Variants in PITPNM3 observed in about 807,000 individuals in gnomAD.
The protein encoded by PITPNM3 is membrane-associated phosphatidylinositol transfer protein 3.
Under a neutral mutation model 102.0 loss-of-function variants are expected in PITPNM3, and 26 were observed. That is an observed-to-expected ratio of 0.25 (90% CI 0.19 to 0.35). PITPNM3 has a LOEUF of 0.35. Ranked by LOEUF, PITPNM3 falls within the 10% of genes least tolerant of loss-of-function variation. The pLI is 1.00. For missense variants in PITPNM3, 1,083 were observed against 1,346.1 expected (o/e 0.80, Z 3.06); for synonymous variants, 578 against 558.6 (o/e 1.03, Z -0.49).
chr17:6,535,303 C>A (rs1407189512), intron 2 of PITPNM3, among the ~76,000 whole-genome samples: 7 of 151,328 alleles, frequency 4.6e-5, no homozygotes, highest in Admixed American at 4.6e-4. Flanking sequence ...AGACACAGAG[C>A]ACTGGCTGGG....
At chr17:6,551,927 C>G (rs1910330443) in intron 1 of PITPNM3, among the ~76,000 whole-genome samples, 1 of 152,104 alleles carries the variant, frequency 6.6e-6, no homozygotes, top group South Asian at 2.1e-4. Context: ...CTCAGCAGAG[C>G]AAGGTCCAAA....
At chr17:6,526,208 T>G (rs1908825195) in intron 2 of PITPNM3, among the ~76,000 whole-genome samples, 1 of 152,188 alleles carries the variant, frequency 6.6e-6, no homozygotes, top group African/African-American at 2.4e-5. Flanking sequence ...GTGAGTCTTC[T>G]GGGAGAAATC....
chr17:6,484,233 T>G lies in PITPNM3; in HGVS notation c.334A>C (p.Ile112Leu), dbSNP rs200777906. 1 of 1,611,302 alleles carries G rather than the reference T, an allele frequency of 6.2e-7. No individual in the cohort carries two copies. Among genetic ancestry groups the G allele is most frequent in the East Asian group, 2.2e-5 (1 of 44,862 alleles). ...CAGCCTACCTCGCTGTCTTCGTGGA[T>G]CTCGATGCTTCCCTGGGCTGGGAAC... ...QRFPAQGSIE[I>L]HEDSEEGCPQ... The change falls in exon 5 of 20, where the codon ATC becomes CTC. Residue 112 changes from isoleucine to leucine, a missense_variant. This residue lies in a region of PITPNM3 where 290 missense variants were observed against 337.8 expected (regional missense o/e 0.86). Coordinates refer to ENST00000262483, the MANE Select transcript of PITPNM3 (RefSeq NM_031220.4).
At chr17:6,483,366 A>C (rs1905860196) in intron 6 of PITPNM3, 151 bp downstream of exon 6, 1 of 803,720 alleles carries the variant, frequency 1.2e-6, no homozygotes, top group Non-Finnish European at 2.1e-6. Flanking sequence ...CACACCTTCC[A>C]CCAGGGATGC....
Position 6,470,544 on chromosome 17 carries a change from TGGAGG to T in PITPNM3, c.1625-141_1625-137del. 8.6e-7 allele frequency: 1 copy of T among 1,166,144 alleles called. No individual in the cohort carries two copies. The highest frequency in any genetic ancestry group is 1.3e-6 in the Non-Finnish European group (1 of 796,010). The allele number at this position is 1,166,144 out of a possible 1,614,324, so 72.2% of individuals were successfully genotyped here. A position where few individuals can be genotyped will look rare whatever the true frequency, so the allele number is the denominator to read the frequency against. On this transcript the variant is annotated intron_variant, in intron 12 of 19. Transcript: ENST00000262483. The surrounding 1 kb of genome is among the most constrained non-coding windows in gnomAD (Gnocchi z 4.8). ...GGGTTTGGGCGGGAGCACCCTGGCC[TGGAGG>T]AGGCCTGGGGAACGCGCTGCTCTTC...
At chr17:6,526,266 C>G (rs951671213) in intron 2 of PITPNM3, among the ~76,000 whole-genome samples, 1 of 152,174 alleles carries the variant, frequency 6.6e-6, no homozygotes, top group South Asian at 2.1e-4. Context: ...CCCTGGGTCC[C>G]ACACATCAGA....
chr17:6,510,884 G>A (rs1427875945), intron 3 of PITPNM3, among the ~76,000 whole-genome samples: 19 of 152,342 alleles, frequency 1.2e-4, no homozygotes, highest in Non-Finnish European at 4.4e-5. Flanking sequence ...AAGAGCCGGG[G>A]CAAAGGCAGG....
At position 6,504,483 on chromosome 17, in the gene PITPNM3, G is replaced by A. The variant is rs565749319; in HGVS notation, c.227-909C>T. On this transcript the variant is annotated intron_variant, in intron 3 of 19. Coordinates refer to ENST00000262483, the MANE Select transcript of PITPNM3 (RefSeq NM_031220.4). ...TGCCAGGGCCATCTTCATGGCCCAC[G>A]TCCCCTGAATCCTGGGGTCATGGCC... Among the ~76,000 whole-genome samples, 6 of 152,284 alleles carry A rather than the reference G, an allele frequency of 3.9e-5. No homozygotes were observed. In the East Asian group the frequency reaches 9.7e-4, roughly 25 times the overall value.
chr17:6,464,781 C>A lies in PITPNM3; in HGVS notation c.1891-10G>T. On this transcript the variant is annotated splice_polypyrimidine_tract_variant and intron_variant, in intron 14 of 19. Coordinates refer to ENST00000262483, the MANE Select transcript of PITPNM3 (RefSeq NM_031220.4). The stretch of plus-strand genomic sequence containing the variant: ...GATTAGCCGTGACATTCTGGAAGGA[C>A]AGAAAGAAGCTGGCTCAGCCCTTGC... The A allele has an allele frequency of 6.2e-7, 1 of 1,613,920 alleles. No individual in the cohort carries two copies. The highest frequency in any genetic ancestry group is 8.5e-7 in the Non-Finnish European group (1 of 1,179,816).
chr17:6,549,977 C>T (rs186869869), intron 1 of PITPNM3, among the ~76,000 whole-genome samples: 1 of 152,190 alleles, frequency 6.6e-6, no homozygotes, highest in Non-Finnish European at 1.5e-5. Flanking sequence ...TGAGAGGGGG[C>T]AAGGCCTCTT....
rs199749069 is a variant in PITPNM3, at chr17:6,484,280, C to T, written c.287G>A (p.Arg96Gln). The T allele has an allele frequency of 2.1e-4, 333 of 1,607,334 alleles. 1 individual carries two copies. In the Middle Eastern group the frequency reaches 2.6e-3, roughly 13 times the overall value. ...ILQEKQRELY[R>Q]VSLRRQRFPA... The stretch of plus-strand genomic sequence containing the variant: ...GAACCTCTGTCTTCTCAAGGAAACC[C>T]GGTACAGTTCTCCTGCAGAGGGAAA... Residue 96 changes from arginine to glutamine, a missense_variant, in exon 5 of 20, where the codon CGG (arginine) becomes CAG (glutamine). Arg to Gln is a conservative substitution (Grantham distance 43, BLOSUM62 1). Around this residue, in one of 5 missense-constraint regions of PITPNM3, gnomAD observed 290 missense variants for 337.8 expected, o/e 0.86. Transcript: ENST00000262483.
chr17:6,551,044 C>A (rs1910274344), intron 1 of PITPNM3, among the ~76,000 whole-genome samples: 1 of 152,220 alleles, frequency 6.6e-6, no homozygotes, highest in Non-Finnish European at 1.5e-5. Context: ...ACACCCCAGA[C>A]TGCGGGAAAG....
intron 1 of PITPNM3, among the ~76,000 whole-genome samples, chr17:6,543,476 A>G (rs1909840097): frequency 6.6e-6 from 1 of 152,236 alleles, no homozygotes; most frequent in Non-Finnish European, 1.5e-5. Flanking sequence ...TGCCTCCCCC[A>G]TGCTCAGGAG....
At position 6,457,996 on chromosome 17, in the gene PITPNM3, TAATG is replaced by T. The variant is rs1282757038; in HGVS notation, c.2491-278_2491-275del. On this transcript the variant is annotated intron_variant, in intron 18 of 19. Transcript: ENST00000262483. The surrounding 1 kb of genome is among the most constrained non-coding windows in gnomAD (Gnocchi z 4.7). Reference sequence around the variant, plus strand: ...ACAGCAGTACACTCAGGTTAAGTAATAATGAAGGCAAGCGTTCCTTTGTGGATAA... The same window carrying T: ...ACAGCAGTACACTCAGGTTAAGTAATAAGGCAAGCGTTCCTTTGTGGATAA... 6.6e-6 allele frequency among the ~76,000 whole-genome samples: 1 copy of T among 152,140 alleles called. No homozygotes were observed. The highest frequency in any genetic ancestry group is 1.5e-5 in the Non-Finnish European group (1 of 68,018).
Position 6,468,495 on chromosome 17 carries a change from G to A in PITPNM3, c.1774-154C>T, listed in dbSNP as rs537939507. 3.9e-5 allele frequency among the ~76,000 whole-genome samples: 6 copies of A among 152,196 alleles called. No individual in the cohort carries two copies. The highest frequency in any genetic ancestry group is 3.9e-4 in the East Asian group (2 of 5,164). On this transcript the variant is annotated intron_variant, in intron 13 of 19. Coordinates refer to ENST00000262483, the MANE Select transcript of PITPNM3 (RefSeq NM_031220.4). The surrounding 1 kb of genome is among the most constrained non-coding windows in gnomAD (Gnocchi z 5.2). ...GAACCGTCAGGAGGCCGCAGACCCC[G>A]GGACCTGCATTCCTGTCCTGATAGC... is the stretch of plus-strand genomic sequence containing the variant.
chr17:6,549,482 C>T (rs1410378907), intron 1 of PITPNM3, among the ~76,000 whole-genome samples: 1 of 152,160 alleles, frequency 6.6e-6, no homozygotes, highest in African/African-American at 2.4e-5. Flanking sequence ...AGCTCCCACC[C>T]CAGAGTCATG....
intron 1 of PITPNM3, among the ~76,000 whole-genome samples, chr17:6,545,259 T>A (rs1734471275): frequency 6.6e-6 from 1 of 152,202 alleles, no homozygotes; most frequent in Admixed American, 6.5e-5. Flanking sequence ...TGAGACTCCA[T>A]CAGTGCTATA....
intron 4 of PITPNM3, among the ~76,000 whole-genome samples, chr17:6,494,311 T>C (rs146208855): frequency 1.2e-3 from 179 of 152,288 alleles, no homozygotes; most frequent in South Asian, 8.9e-3. Context: ...GCCACAGCCC[T>C]GCCTCCTCAG....
intron 4 of PITPNM3, among the ~76,000 whole-genome samples, chr17:6,488,899 T>A (rs1440464896): frequency 5.3e-5 from 8 of 152,110 alleles, no homozygotes; most frequent in African/African-American, 1.2e-4. Flanking sequence ...AGATTTGGGG[T>A]GGGGGAGCCC....
Sources: gnomAD v4.1 joint callset for allele counts (sites outside exome capture counted in the v4.1 genomes callset) on GRCh38, gnomAD v4.1.1 for gene constraint, gnomAD v4.1.1 regional missense constraint, Gnocchi (gnomAD v3.1) non-coding constraint, MANE v1.5 for transcripts, NCBI Gene and HGNC (gene_info 2026-07-23, HGNC 2026-07-21) for gene names.